The following NPDC1 variants were observed in gnomAD, a reference collection of about 807,000 sequenced individuals.
NPDC1 encodes neural proliferation differentiation and control protein 1.
Under a neutral mutation model 32.5 loss-of-function variants are expected in NPDC1, and 18 were observed. The ratio of observed to expected loss-of-function variants is 0.55; its 90% CI spans 0.38 to 0.82. The LOEUF is 0.82. NPDC1 is among the 40% of genes least tolerant of loss of function. The pLI, the probability that NPDC1 is intolerant of heterozygous loss-of-function variation, is 0.00. For synonymous variants in NPDC1, 210 were observed against 184.7 expected, an observed-to-expected ratio of 1.14 and a Z score of -1.11; for missense variants, 468 against 406.6, an observed-to-expected ratio of 1.15 and a Z score of -1.30.
chr9:137,041,099 C>T lies in NPDC1; in HGVS notation c.348G>A (p.Pro116=), dbSNP rs755313806. 1.5e-5 allele frequency: 23 copies of T among 1,529,870 alleles called. No individual in the cohort carries two copies. The highest frequency in any genetic ancestry group is 1.8e-5 in the Non-Finnish European group (21 of 1,141,352). 94.8% of individuals were successfully genotyped at this position (1,529,870 alleles called of 1,614,324 possible). Residue 116 remains proline, a synonymous_variant, in exon 3 of 9, where the codon CCG becomes CCA. Coordinates refer to ENST00000371601, the MANE Select transcript of NPDC1 (RefSeq NM_015392.4). ...LARKESGHST[P]PLPKDRQRLP... is the part of the protein sequence containing the mutation. ...GCCGCTGTCGGTCCTTGGGTAGGGG[C>T]GGAGTTGAGTGTCCAGACTCCTTCC...
Position 137,039,775 on chromosome 9 carries a change from T to C in NPDC1, c.975A>G (p.Pro325=). Residue 325 remains proline, a synonymous_variant, in exon 9 of 9, where the codon CCA becomes CCG. Transcript: ENST00000371601. ...TGGGCGTCTGTCTGCCTCCAGGTCA[T>C]GGCAGTGCAGGCGGTGAGCTGGGGG... The part of the protein sequence containing the change: ...LPAPSSPPAL[P] 3 of 772,022 alleles carry C rather than the reference T, an allele frequency of 3.9e-6. No individual in the cohort carries two copies. In the East Asian group the frequency reaches 7.3e-5, roughly 19 times the overall value. The allele number at this position is 772,022 out of a possible 1,614,324, so 47.8% of individuals were successfully genotyped here.
intron 2 of NPDC1, among the ~76,000 whole-genome samples, chr9:137,042,259 CTT>C (rs1160185429): frequency 6.8e-6 from 1 of 146,508 alleles, no homozygotes. Flanking sequence ...CAGGCTGCTG[CTT>C]TTTTTTTTTT....
Position 137,040,361 on chromosome 9 carries a change from C to A in NPDC1, c.784G>T (p.Glu262Ter). 1 of 1,543,468 alleles carries A rather than the reference C, an allele frequency of 6.5e-7. No individual in the cohort carries two copies. Among genetic ancestry groups the A allele is most frequent in the Non-Finnish European group, 8.7e-7 (1 of 1,146,618 alleles). Residue 262 changes from glutamate to a stop codon, truncating the protein, a stop_gained, in exon 7 of 9, where the codon GAG becomes TAG. Coordinates refer to ENST00000371601, the MANE Select transcript of NPDC1 (RefSeq NM_015392.4). LOFTEE classifies it high-confidence loss of function. ...AGTGCCGGGGCGGCCACTCACCGCT[C>A]CAGGCACAGCATCTGTTGCCGTTGG... Reference protein sequence around the residue: ...QHQRQQMLCLERHKEPPKELD... With the variant: ...QHQRQQMLCL
intron 1 of NPDC1, 138 bp from the exon 2 acceptor site, chr9:137,043,211 T>C: frequency 1.2e-6 from 1 of 842,124 alleles, no homozygotes; most frequent in African/African-American, 1.8e-5. Flanking sequence ...GTTCTGGACA[T>C]GCCCTTCCTC....
intron 1 of NPDC1, among the ~76,000 whole-genome samples, chr9:137,045,192 G>A (rs1254188518): frequency 6.6e-6 from 1 of 152,238 alleles, no homozygotes; most frequent in Non-Finnish European, 1.5e-5. Flanking sequence ...CCAGGACCCT[G>A]GGCTTATCAC....
rs1230634676 is a variant in NPDC1 at position 137,040,892 on chromosome 9, C to T, written c.478G>A (p.Gly160Ser). The T allele has an allele frequency of 1.3e-6, 2 of 1,589,708 alleles. No homozygotes were observed. The highest frequency in any genetic ancestry group is 1.7e-6 in the Non-Finnish European group (2 of 1,169,996). ...TPTPTPHTSL[G>S]SPVSSDPVHM... ...ACCGGGTCGGATGACACAGGGGAGCCCAGGGAGGTGTGGGGCGTGGGCGTG... is the reference window on the plus strand; with the variant it reads ...ACCGGGTCGGATGACACAGGGGAGCTCAGGGAGGTGTGGGGCGTGGGCGTG... Residue 160 changes from glycine to serine, a missense_variant, in exon 4 of 9, where the codon GGC (glycine) becomes AGC (serine). Gly to Ser is a moderately conservative substitution (Grantham distance 56). Transcript: ENST00000371601.
intron 1 of NPDC1, 21 bp downstream of exon 1, chr9:137,045,857 G>A: frequency 3.9e-6 from 4 of 1,015,836 alleles, no homozygotes; most frequent in Non-Finnish European, 4.7e-6. Context: ...CCCGCGGCCT[G>A]CGCCCAGCGC....
intron 2 of NPDC1, among the ~76,000 whole-genome samples, chr9:137,042,399 G>A (rs1442222935): frequency 2.6e-5 from 4 of 151,618 alleles, no homozygotes; most frequent in Non-Finnish European, 5.9e-5. Flanking sequence ...GACTACAGGC[G>A]CCCGCCGCCA....
rs6605 is a variant in NPDC1 at position 137,039,568 on chromosome 9, G to A, written c.*204C>T. 122,827 of 559,664 alleles carry A rather than the reference G, an allele frequency of 0.22. 14,592 individuals carry two copies. The highest frequency in any genetic ancestry group is 0.27 in the Middle Eastern group (705 of 2,614). 34.7% of individuals were successfully genotyped at this position (559,664 alleles called of 1,614,324 possible). A position where few individuals can be genotyped will look rare whatever the true frequency, so the allele number is the denominator to read the frequency against. On this transcript the variant is annotated 3_prime_UTR_variant, in exon 9 of 9. Transcript: ENST00000371601. ...CCCCTCCAGTTTGGGGGTCTAAACC[G>A]AACAGGAGAGGTGCAGGGGACCAGG...
At position 137,039,815 on chromosome 9, in the gene NPDC1, G is replaced by A; in HGVS notation, c.935C>T (p.Ser312Phe). The change falls in exon 9 of 9, where the codon TCC becomes TTC. Residue 312 changes from serine (S) to phenylalanine (F), a missense_variant. Transcript: ENST00000371601. ...RNPLFDHAAL[S>F]APLPAPSSPP... ...TGAGCTGGGGGCCGGCAGGGGCGCG[G>A]ACAGTGCGGCGTGGTCGAACAGAGG... 1 of 778,868 alleles carries A rather than the reference G, an allele frequency of 1.3e-6. No individual in the cohort carries two copies. Among genetic ancestry groups the A allele is most frequent in the Non-Finnish European group, 2.4e-6 (1 of 417,804 alleles). The allele number at this position is 778,868 out of a possible 1,614,324, so 48.2% of individuals were successfully genotyped here. A position where few individuals can be genotyped will look rare whatever the true frequency, so the allele number is the denominator to read the frequency against.
Position 137,040,075 on chromosome 9 carries a change from G to A in NPDC1, c.789-8C>T. On this transcript the variant is annotated splice_polypyrimidine_tract_variant and splice_region_variant and intron_variant, in intron 7 of 8. Transcript: ENST00000371601. The stretch of plus-strand genomic sequence containing the variant: ...TTGGGTGGCTCTTTATGCCTGGGTG[G>A]GGGGGGATCGCTGGGTCCTCCCCAT... 1.3e-6 allele frequency: 1 copy of A among 776,302 alleles called. No individual in the cohort carries two copies. The highest frequency in any genetic ancestry group is 2.4e-6 in the Non-Finnish European group (1 of 417,488). 48.1% of individuals were successfully genotyped at this position (776,302 alleles called of 1,614,324 possible). A position where few individuals can be genotyped will look rare whatever the true frequency, so the allele number is the denominator to read the frequency against.
intron 2 of NPDC1, among the ~76,000 whole-genome samples, chr9:137,042,142 G>A (rs1832066635): frequency 6.6e-6 from 1 of 152,224 alleles, no homozygotes; most frequent in African/African-American, 2.4e-5. Flanking sequence ...GGAAAGGATG[G>A]GAGGCTTCGT....
chr9:137,041,238 C>T (rs1436798187), intron 2 of NPDC1, 51 bp from the exon 3 acceptor site: 1 of 1,356,896 alleles, frequency 7.4e-7, no homozygotes, highest in African/African-American at 1.5e-5. Context: ...AGGAGGTAGC[C>T]CCAGGCCCGG....
rs1832028898 is a variant in NPDC1, at chr9:137,040,449, G to A, written c.709-13C>T. The A allele has an allele frequency of 6.4e-7, 1 of 1,558,542 alleles. No homozygotes were observed. Among genetic ancestry groups the A allele is most frequent in the Non-Finnish European group, 8.7e-7 (1 of 1,152,952 alleles). On this transcript the variant is annotated splice_polypyrimidine_tract_variant and intron_variant, in intron 6 of 8. Coordinates refer to ENST00000371601, the MANE Select transcript of NPDC1 (RefSeq NM_015392.4). The stretch of plus-strand genomic sequence containing the variant: ...GCTGGTCCCCAGGCTGTGGGAAGGA[G>A]GAGGCGAGGGTCAGTTGGCGGCCAG...
intron 8 of NPDC1, 44 bp from the exon 9 acceptor site, chr9:137,039,908 G>C (rs1406778136): frequency 2.6e-6 from 2 of 778,842 alleles, no homozygotes; most frequent in Non-Finnish European, 4.8e-6. Context: ...GGGCTGGGGG[G>C]ATACTTGCTG....
chr9:137,043,099 C>T (rs759692285), intron 1 of NPDC1, 26 bp from the exon 2 acceptor site: 33 of 1,610,128 alleles, frequency 2.0e-5, no homozygotes, highest in African/African-American at 2.7e-5. Flanking sequence ...AAGGCAGGGC[C>T]GGCTCACGGC....
intron 2 of NPDC1, 161 bp downstream of exon 2, chr9:137,042,766 C>G: frequency 1.3e-6 from 1 of 788,434 alleles, no homozygotes; most frequent in South Asian, 2.0e-5. Context: ...CCATGTTGGC[C>G]AGGCTGGTCT....
Position 137,039,771 on chromosome 9 carries a change from G to T in NPDC1, c.*1C>A, listed in dbSNP as rs769332906. 2 of 770,168 alleles carry T rather than the reference G, an allele frequency of 2.6e-6. No individual in the cohort carries two copies. The highest frequency in any genetic ancestry group is 3.4e-5 in the Admixed American group (2 of 58,372). The allele number at this position is 770,168 out of a possible 1,614,324, so 47.7% of individuals were successfully genotyped here. A position where few individuals can be genotyped will look rare whatever the true frequency, so the allele number is the denominator to read the frequency against. On this transcript the variant is annotated 3_prime_UTR_variant, in exon 9 of 9. Transcript: ENST00000371601. ...CAGGTGGGCGTCTGTCTGCCTCCAG[G>T]TCATGGCAGTGCAGGCGGTGAGCTG...
intron 1 of NPDC1, among the ~76,000 whole-genome samples, chr9:137,044,544 A>T (rs373971721): frequency 2.0e-5 from 3 of 152,206 alleles, no homozygotes; most frequent in African/African-American, 7.2e-5. Context: ...CCTCCTCCTG[A>T]AAAGAGGTCG....
Sources: gnomAD v4.1 joint callset for allele counts (sites outside exome capture counted in the v4.1 genomes callset) on GRCh38, gnomAD v4.1.1 for gene constraint, MANE v1.5 for transcripts, NCBI Gene and HGNC (gene_info 2026-07-23, HGNC 2026-07-21) for gene names.